The following KCNAB1 variants were observed in gnomAD, a reference collection of about 807,000 sequenced individuals.
The protein encoded by KCNAB1 is voltage-gated potassium channel subunit beta-1.
KCNAB1 carries 35 observed loss-of-function variants against 64.6 expected under a neutral mutation model. The observed-to-expected ratio is 0.54, with a 90% CI of 0.41 to 0.72. The LOEUF is 0.72. Among genes scored for constraint, KCNAB1 ranks in the 30% least tolerant of loss-of-function variants. KCNAB1 has a pLI of 0.00. For synonymous variants in KCNAB1, 177 were observed against 183.8 expected (o/e 0.96, Z 0.30); for missense variants, 401 against 512.9 (o/e 0.78, Z 2.11).
At chr3:156,449,370 G>GT (rs1247076670) in intron 2 of KCNAB1, among the ~76,000 whole-genome samples, 2 of 152,150 alleles carry the variant, frequency 1.3e-5, no homozygotes, top group African/African-American at 4.8e-5. Flanking sequence ...AGGGTGGTTG[G>GT]TTTTTTTCAG....
intron 1 of KCNAB1, among the ~76,000 whole-genome samples, chr3:156,127,884 G>GGTGTGTGTGTGT (rs10576749): frequency 0.019 from 2,790 of 147,608 alleles, 32 homozygotes; most frequent in Non-Finnish European, 0.025. Context: ...CTTCATTTGG[G>GGTGTGTGTGTGT]GTGTGTGTGT....
At chr3:156,291,117 T>C in intron 1 of KCNAB1, 1 of 985,470 alleles carries the variant, frequency 1.0e-6, no homozygotes, top group Non-Finnish European at 1.2e-6. Context: ...CCCGATTTGT[T>C]ACAGCAAGAG....
rs1184046848 is a variant in KCNAB1, at chr3:156,354,136, A to ATATATATG, written c.276-67478_276-67471dup. Among the ~76,000 whole-genome samples, 6 of 144,416 alleles carry ATATATATG rather than the reference A, an allele frequency of 4.2e-5. No individual in the cohort carries two copies. In the East Asian group the frequency reaches 1.2e-3, roughly 28 times the overall value. The allele number at this position is 144,416 out of a possible 152,430, so 94.7% of individuals were successfully genotyped here. A position where few individuals can be genotyped will look rare whatever the true frequency, so the allele number is the denominator to read the frequency against. On this transcript the variant is annotated intron_variant, in intron 1 of 13. Transcript: ENST00000490337. ...TGTGTGTGTGTATATATATATATAT[A>ATATATATG]TATATATGTGTATATATATATATGT... is the stretch of plus-strand genomic sequence containing the variant.
At chr3:156,257,606 C>T (rs1718172176) in intron 1 of KCNAB1, among the ~76,000 whole-genome samples, 1 of 152,110 alleles carries the variant, frequency 6.6e-6, no homozygotes, top group African/African-American at 2.4e-5. Context: ...TTTTACTAGT[C>T]ATCATGGAGC....
At chr3:156,122,496 A>T (rs1204513676) in intron 1 of KCNAB1, among the ~76,000 whole-genome samples, 1 of 152,226 alleles carries the variant, frequency 6.6e-6, no homozygotes, top group African/African-American at 2.4e-5. Context: ...TTTAGCAAGA[A>T]ACTTTTGGGG....
chr3:156,398,878 TC>T (rs1369472280), intron 1 of KCNAB1, among the ~76,000 whole-genome samples: 2 of 152,172 alleles, frequency 1.3e-5, no homozygotes, highest in South Asian at 4.1e-4. Context: ...GAGATGGTTG[TC>T]CCCTAGCACT....
intron 1 of KCNAB1, chr3:156,291,684 T>G: frequency 2.1e-6 from 3 of 1,410,904 alleles, no homozygotes; most frequent in Non-Finnish European, 2.8e-6. Context: ...GCCGTCTGTT[T>G]ACTTCTCTGG....
chr3:156,122,974 T>C (rs1713437224), intron 1 of KCNAB1, among the ~76,000 whole-genome samples: 1 of 152,160 alleles, frequency 6.6e-6, no homozygotes, highest in Non-Finnish European at 1.5e-5. Context: ...GATGGTGCAA[T>C]CTCTTCCAAA....
At chr3:156,312,750 G>T (rs1424823483) in intron 1 of KCNAB1, among the ~76,000 whole-genome samples, 1 of 127,368 alleles carries the variant, frequency 7.9e-6, no homozygotes, top group Non-Finnish European at 1.6e-5. Context: ...AATGAAATTA[G>T]TTCTATGTGC....
At chr3:156,455,767 T>C (rs1712366868) in intron 3 of KCNAB1, among the ~76,000 whole-genome samples, 1 of 152,262 alleles carries the variant, frequency 6.6e-6, no homozygotes, top group East Asian at 1.9e-4. Context: ...TCTTTGTGTA[T>C]CGACTGCTTA....
At chr3:156,280,340 T>G (rs1250726757) in intron 1 of KCNAB1, among the ~76,000 whole-genome samples, 1 of 150,756 alleles carries the variant, frequency 6.6e-6, no homozygotes, top group Non-Finnish European at 1.5e-5. Flanking sequence ...TCTGTTTTGG[T>G]ACCAGTACCA....
At chr3:156,501,366 AG>A (rs1407277068) in intron 8 of KCNAB1, among the ~76,000 whole-genome samples, 2 of 150,054 alleles carry the variant, frequency 1.3e-5, no homozygotes. Context: ...AAGACATTAT[AG>A]GAGATTGAAT....
At chr3:156,150,531 C>A (rs969978489) in intron 1 of KCNAB1, among the ~76,000 whole-genome samples, 1 of 152,100 alleles carries the variant, frequency 6.6e-6, no homozygotes, top group African/African-American at 2.4e-5. Context: ...TTGTTGACAG[C>A]GGTTTCGTCT....
At chr3:156,159,034 G>A (rs1235536965) in intron 1 of KCNAB1, among the ~76,000 whole-genome samples, 3 of 152,088 alleles carry the variant, frequency 2.0e-5, no homozygotes, top group Non-Finnish European at 2.9e-5. Flanking sequence ...TGGGAGAAGA[G>A]GGGAGTAGTT....
At chr3:156,502,005 A>C (rs13090277) in intron 8 of KCNAB1, among the ~76,000 whole-genome samples, 36,705 of 151,942 alleles carry the variant, frequency 0.24, 4,908 homozygotes, top group South Asian at 0.35. Flanking sequence ...ACCAGCCCCC[A>C]TGATTCAATT....
chr3:156,174,583 G>A (rs1308708822), intron 1 of KCNAB1, among the ~76,000 whole-genome samples: 3 of 152,220 alleles, frequency 2.0e-5, no homozygotes, highest in Non-Finnish European at 2.9e-5. Context: ...TGTAGTCAAA[G>A]TATCAATGGG....
At chr3:156,456,690 T>C (rs919508559) in intron 3 of KCNAB1, among the ~76,000 whole-genome samples, 2 of 152,382 alleles carry the variant, frequency 1.3e-5, no homozygotes, top group Non-Finnish European at 2.9e-5. Flanking sequence ...ATTTTTCAAA[T>C]GACTAGTAAG....
At chr3:156,137,328 AGG>A (rs1195527375) in intron 1 of KCNAB1, among the ~76,000 whole-genome samples, 3 of 152,074 alleles carry the variant, frequency 2.0e-5, no homozygotes, top group Non-Finnish European at 4.4e-5. Context: ...CTTTGGGTCT[AGG>A]GAGAAGGAGC....
rs534129218 is a variant in KCNAB1, at chr3:156,166,928, G to A, written c.275+46042G>A. 1.9e-3 allele frequency among the ~76,000 whole-genome samples: 296 copies of A among 152,246 alleles called. 1 individual carries two copies. The highest frequency in any genetic ancestry group is 6.8e-3 in the African/African-American group (282 of 41,538). ...GTTGATGTTTATGGCGGTTTAGTGTGGCAGGACATTGGAAGTCATCCTGGA... is the reference window on the plus strand; with the variant it reads ...GTTGATGTTTATGGCGGTTTAGTGTAGCAGGACATTGGAAGTCATCCTGGA... On this transcript the variant is annotated intron_variant, in intron 1 of 13. Transcript: ENST00000490337.
Sources: gnomAD v4.1 joint callset for allele counts (sites outside exome capture counted in the v4.1 genomes callset) on GRCh38, gnomAD v4.1.1 for gene constraint, MANE v1.5 for transcripts, NCBI Gene and HGNC (gene_info 2026-07-23, HGNC 2026-07-21) for gene names.